AFF1: variants seen among roughly 807,000 people sequenced by gnomAD.
AFF1 encodes AF4/FMR2 family member 1.
Under a neutral mutation model 121.7 loss-of-function variants are expected in AFF1, and 48 were observed. The observed-to-expected ratio is 0.39, with a 90% CI of 0.31 to 0.50. The LOEUF is 0.50. AFF1 is among the 20% of genes least tolerant of loss of function. The probability of loss-of-function intolerance (pLI) is 0.76; values close to 1 mark genes in which losing one functional copy is unlikely to be tolerated. For synonymous variants in AFF1, 613 were observed against 563.0 expected, an observed-to-expected ratio of 1.09 and a Z score of -1.26; for missense variants, 1,523 against 1,511.7, an observed-to-expected ratio of 1.01 and a Z score of -0.12.
At chr4:87,064,329 G>A (rs527567419) in intron 4 of AFF1, among the ~76,000 whole-genome samples, 96 of 152,286 alleles carry the variant, frequency 6.3e-4, no homozygotes, top group African/African-American at 2.2e-3. Context: ...TAGAAGATAG[G>A]CAACATTTGT....
intron 2 of AFF1, among the ~76,000 whole-genome samples, chr4:86,996,723 AAAAC>A (rs139664480): frequency 0.082 from 11,553 of 141,654 alleles, 711 homozygotes; most frequent in African/African-American, 0.21. Flanking sequence ...ATGATCAATT[AAAAC>A]AAACAAACAA....
In AFF1 at chr4:87,046,183, G is replaced by A. The variant is rs760373606; in HGVS notation, c.56G>A (p.Arg19Lys). 2.5e-6 allele frequency: 4 copies of A among 1,613,390 alleles called. No individual in the cohort carries two copies. Among genetic ancestry groups the A allele is most frequent in the Admixed American group, 1.7e-5 (1 of 59,796 alleles). Reference sequence around the variant, plus strand: ...TGAAACAGTTTGTACAATGACGACAGAAACCTGCTTCGAATTAGAGAGAAG... The same window carrying A: ...TGAAACAGTTTGTACAATGACGACAAAAACCTGCTTCGAATTAGAGAGAAG... The part of the protein sequence containing the change: ...SSGNSLYNDD[R>K]NLLRIREKER... Residue 19 changes from arginine (R) to lysine (K), a missense_variant, in exon 3 of 21, where the codon AGA (arginine) becomes AAA (lysine). By Grantham distance (26) the Arg-to-Lys change is conservative. Coordinates refer to ENST00000395146, the MANE Select transcript of AFF1 (RefSeq NM_001166693.3).
At chr4:86,996,622 G>C (rs967068483) in intron 2 of AFF1, among the ~76,000 whole-genome samples, 1 of 151,600 alleles carries the variant, frequency 6.6e-6, no homozygotes, top group African/African-American at 2.4e-5. Flanking sequence ...AGGAAAACCA[G>C]AGACCTTTGT....
chr4:87,029,735 T>C (rs949725541), intron 2 of AFF1, among the ~76,000 whole-genome samples: 5 of 152,196 alleles, frequency 3.3e-5, no homozygotes, highest in African/African-American at 1.2e-4. Context: ...AAGTCCGTTA[T>C]TCACTTTAAG....
chr4:86,969,497 A>G (rs1578866940), intron 2 of AFF1, among the ~76,000 whole-genome samples: 2 of 151,888 alleles, frequency 1.3e-5, no homozygotes, highest in East Asian at 3.9e-4. Flanking sequence ...AACAAAACAA[A>G]AAACAGTTGA....
At chr4:87,107,642 A>G (rs1560631549) in intron 10 of AFF1, among the ~76,000 whole-genome samples, 1 of 152,236 alleles carries the variant, frequency 6.6e-6, no homozygotes, top group African/African-American at 2.4e-5. Flanking sequence ...TCTTACAGAA[A>G]TTAATTTGAT....
chr4:87,056,392 C>T (rs1204786525), intron 4 of AFF1, among the ~76,000 whole-genome samples: 1 of 152,090 alleles, frequency 6.6e-6, no homozygotes, highest in Admixed American at 6.5e-5. Context: ...CTTAACAACC[C>T]CACACTATAT....
chr4:87,013,066 G>A (rs1244092991), intron 2 of AFF1, among the ~76,000 whole-genome samples: 8 of 107,938 alleles, frequency 7.4e-5, no homozygotes, highest in Admixed American at 7.1e-4. Context: ...TTTGGGAGAC[G>A]GAGTTTCGCT....
At chr4:87,129,891 G>C (rs1578319174) in intron 16 of AFF1, among the ~76,000 whole-genome samples, 1 of 152,278 alleles carries the variant, frequency 6.6e-6, no homozygotes, top group Non-Finnish European at 1.5e-5. Context: ...TAGCATGACA[G>C]CCCATACCGC....
intron 2 of AFF1, among the ~76,000 whole-genome samples, chr4:87,025,547 C>T (rs1030786689): frequency 1.3e-5 from 2 of 152,182 alleles, no homozygotes; most frequent in African/African-American, 4.8e-5. Flanking sequence ...GGGAATATTT[C>T]TCATTCTCTA....
intron 2 of AFF1, among the ~76,000 whole-genome samples, chr4:86,991,716 A>G (rs141403603): frequency 1.3e-4 from 20 of 151,712 alleles, no homozygotes; most frequent in Non-Finnish European, 2.2e-4. Flanking sequence ...CCTTAACTAC[A>G]TCTTTAGTGT....
At chr4:87,014,452 G>A (rs1244307799) in intron 2 of AFF1, among the ~76,000 whole-genome samples, 1 of 152,124 alleles carries the variant, frequency 6.6e-6, no homozygotes, top group Non-Finnish European at 1.5e-5. Context: ...AACAAATAAT[G>A]TTCAACAAGA....
chr4:87,117,758 T>C (rs1259432287), intron 12 of AFF1, among the ~76,000 whole-genome samples: 1 of 152,228 alleles, frequency 6.6e-6, no homozygotes, highest in Non-Finnish European at 1.5e-5. Flanking sequence ...CGTCAGAGAA[T>C]CATGTGTCGT....
chr4:86,969,858 C>T (rs1480727233), intron 2 of AFF1, among the ~76,000 whole-genome samples: 1 of 87,844 alleles, frequency 1.1e-5, no homozygotes, highest in East Asian at 3.3e-4. Flanking sequence ...CTGGCCTGGG[C>T]GGAAGAGCGA....
At chr4:87,128,042 T>G (rs981889725) in intron 16 of AFF1, among the ~76,000 whole-genome samples, 1 of 152,232 alleles carries the variant, frequency 6.6e-6, no homozygotes, top group Non-Finnish European at 1.5e-5. Flanking sequence ...TGCTGGTGAT[T>G]TAATGCATAG....
chr4:86,963,963 GTTT>G (rs3035477), intron 2 of AFF1, among the ~76,000 whole-genome samples: 3 of 104,374 alleles, frequency 2.9e-5, no homozygotes, highest in Admixed American at 1.0e-4. Flanking sequence ...GACTAGACTG[GTTT>G]TTTTTTTTTT....
intron 1 of AFF1, among the ~76,000 whole-genome samples, chr4:86,940,424 CAG>C (rs1172497874): frequency 2.6e-5 from 4 of 152,192 alleles, no homozygotes; most frequent in African/African-American, 7.2e-5. Context: ...TTTTATGAGA[CAG>C]AGTCTCACTC....
At chr4:86,993,270 C>G (rs1724869414) in intron 2 of AFF1, among the ~76,000 whole-genome samples, 1 of 152,202 alleles carries the variant, frequency 6.6e-6, no homozygotes, top group Admixed American at 6.5e-5. Flanking sequence ...GTTGATGTAA[C>G]CTCTTTTATG....
At chr4:86,953,681 G>A (rs1721537092) in intron 2 of AFF1, among the ~76,000 whole-genome samples, 1 of 151,978 alleles carries the variant, frequency 6.6e-6, no homozygotes, top group South Asian at 2.1e-4. Context: ...GACTGAAAAA[G>A]GCAGACATTA....
Sources: gnomAD v4.1 joint callset for allele counts (sites outside exome capture counted in the v4.1 genomes callset) on GRCh38, gnomAD v4.1.1 for gene constraint, MANE v1.5 for transcripts, NCBI Gene and HGNC (gene_info 2026-07-23, HGNC 2026-07-21) for gene names.